FSIP2: variants seen among roughly 807,000 people sequenced by gnomAD.
The protein encoded by FSIP2 is fibrous sheath interacting protein 2, also known as fibrous sheath-interacting protein 2.
A neutral mutation model predicts 510.5 loss-of-function variants in FSIP2; 367 were observed. The observed-to-expected ratio is 0.72, with a 90% confidence interval of 0.66 to 0.78. The LOEUF is 0.78. FSIP2 is among the 30% of genes least tolerant of loss of function. The pLI is 0.00. For missense variants in FSIP2, 7,594 were observed against 7,901.7 expected (o/e 0.96, Z 1.48); for synonymous variants, 2,601 against 2,732.2 (o/e 0.95, Z 1.50).
rs1460399147 is a variant in FSIP2, at chr2:185,814,042, G to A, written c.20325G>A (p.Lys6775=). 6.2e-7 allele frequency: 1 copy of A among 1,608,472 alleles called. No individual in the cohort carries two copies. The highest frequency in any genetic ancestry group is 8.5e-7 in the Non-Finnish European group (1 of 1,177,370). ...CTTGGGAGGAAAAGCCCCAGTGTAA[G>A]GTAAGTGATAAGCATGACTGTTAGT... ...SSSWEEKPQC[K]KEEKNLVTEP... The change falls in exon 18 of 23, where the codon AAG becomes AAA. Residue 6775 remains lysine, a splice_region_variant and synonymous_variant. Transcript: ENST00000424728.
chr2:185,799,968 A>T lies in FSIP2; in HGVS notation c.10662A>T (p.Gly3554=). ...TTGAGAGCAGGTCAATTTCCATTGGAGAACTTGCTTTATGTATTTCTGAAA... is the reference window on the plus strand; with the variant it reads ...TTGAGAGCAGGTCAATTTCCATTGGTGAACTTGCTTTATGTATTTCTGAAA... ...QVFESRSISI[G]ELALCISEII... is the part of the protein sequence containing the mutation. Residue 3554 remains glycine (G), a synonymous_variant, in exon 17 of 23, where the codon GGA becomes GGT. Transcript: ENST00000424728. 1 of 1,528,352 alleles carries T rather than the reference A, an allele frequency of 6.5e-7. No homozygotes were observed. Among genetic ancestry groups the T allele is most frequent in the Non-Finnish European group, 8.8e-7 (1 of 1,141,380 alleles). The allele number at this position is 1,528,352 out of a possible 1,614,324, so 94.7% of individuals were successfully genotyped here.
At chr2:185,833,019 C>T (rs1694135238) in intron 22 of FSIP2, 71 bp from the exon 23 acceptor site, 8 of 1,402,682 alleles carry the variant, frequency 5.7e-6, no homozygotes, top group African/African-American at 1.4e-5. Context: ...ACTCATATGA[C>T]CTTAGGCAAG....
Position 185,792,803 on chromosome 2 carries a change from C to G in FSIP2, c.5667C>G (p.Ser1889=). The change falls in exon 16 of 23, where the codon TCC becomes TCG. Residue 1889 remains serine, a synonymous_variant. Transcript: ENST00000424728. The stretch of plus-strand genomic sequence containing the variant: ...ATGAACACACCTATAAAGGAAAGTC[C>G]TCTGTCACGGCTTTGGATGAAAATC... ...SSHEHTYKGK[S]SVTALDENPC... is the part of the protein sequence containing the mutation. The G allele has an allele frequency of 6.5e-7, 1 of 1,534,348 alleles. No homozygotes were observed. The highest frequency in any genetic ancestry group is 8.7e-7 in the Non-Finnish European group (1 of 1,145,674).
At chr2:185,746,354 C>G (rs1206437812) in intron 5 of FSIP2, among the ~76,000 whole-genome samples, 2 of 151,598 alleles carry the variant, frequency 1.3e-5, no homozygotes, top group Non-Finnish European at 2.9e-5. Context: ...AGGTCATATT[C>G]TTAAACCTAC....
rs572472559 is a variant in FSIP2, at chr2:185,789,417, A to T, written c.2281A>T (p.Asn761Tyr). The change falls in exon 16 of 23, where the codon AAT becomes TAT. Residue 761 changes from asparagine (N) to tyrosine (Y), a missense_variant. Asn to Tyr is a moderately radical substitution (Grantham distance 143, BLOSUM62 -2). Coordinates refer to ENST00000424728, the MANE Select transcript of FSIP2 (RefSeq NM_173651.4). ...CTCAGTTGCTTCTGAGATTGTGGAA[A>T]ATATGCTTGAGAAGTTAGAGTCTGC... The part of the protein sequence containing the change: ...IPSVASEIVE[N>Y]MLEKLESAVE... The T allele has an allele frequency of 6.5e-7, 1 of 1,534,946 alleles. No homozygotes were observed. The highest frequency in any genetic ancestry group is 8.7e-7 in the Non-Finnish European group (1 of 1,145,940).
chr2:185,832,404 T>C (rs1000308018), intron 22 of FSIP2, among the ~76,000 whole-genome samples: 3 of 151,890 alleles, frequency 2.0e-5, no homozygotes, highest in Non-Finnish European at 4.4e-5. Flanking sequence ...GCATGCTAGA[T>C]TGTTCCCAGT....
rs1693476924 is a variant in FSIP2 at position 185,803,054 on chromosome 2, A to AT, written c.13749dup (p.Ile4584TyrfsTer23). The AT allele has an allele frequency of 6.6e-7, 1 of 1,517,506 alleles. No individual in the cohort carries two copies. The highest frequency in any genetic ancestry group is 2.1e-5 in the Admixed American group (1 of 47,526). The allele number at this position is 1,517,506 out of a possible 1,614,324, so 94.0% of individuals were successfully genotyped here. ...AGAATAGCAGGTTTCATCATTAAACATATCTGTCAAAAACATCTTCAGCCA... is the reference window on the plus strand; with the variant it reads ...AGAATAGCAGGTTTCATCATTAAACATTATCTGTCAAAAACATCTTCAGCCA... On this transcript the variant is annotated frameshift_variant, in exon 17 of 23. Coordinates refer to ENST00000424728, the MANE Select transcript of FSIP2 (RefSeq NM_173651.4). LOFTEE classifies it high-confidence loss of function.
chr2:185,750,430 C>G (rs1692119909), intron 7 of FSIP2, among the ~76,000 whole-genome samples: 1 of 151,404 alleles, frequency 6.6e-6, no homozygotes, highest in Non-Finnish European at 1.5e-5. Context: ...CCTTTGTTAT[C>G]ATTTGAGTAT....
chr2:185,773,113 C>G (rs1458276546), intron 13 of FSIP2, among the ~76,000 whole-genome samples: 1 of 152,126 alleles, frequency 6.6e-6, no homozygotes, highest in East Asian at 1.9e-4. Context: ...CTATCTGCCT[C>G]AGCCTCCCAA....
chr2:185,795,356 G>C lies in FSIP2; in HGVS notation c.8220G>C (p.Lys2740Asn), dbSNP rs1226639041. The change falls in exon 16 of 23, where the codon AAG becomes AAC. Residue 2740 changes from lysine to asparagine, a missense_variant. Transcript: ENST00000424728. ...CTTCAGAACTAAAAATATATGCCAAGGATATAATAATTAACATCCTAGAAA... is the reference window on the plus strand; with the variant it reads ...CTTCAGAACTAAAAATATATGCCAACGATATAATAATTAACATCCTAGAAA... Reference protein sequence around the residue: ...LPTSELKIYAKDIIINILETI... With the variant: ...LPTSELKIYANDIIINILETI... 6 of 1,534,668 alleles carry C rather than the reference G, an allele frequency of 3.9e-6. No individual in the cohort carries two copies. The East Asian group carries it at 1.5e-4, about 38-fold the overall frequency.
Position 185,790,119 on chromosome 2 carries a change from C to A in FSIP2, c.2983C>A (p.Pro995Thr). 1 of 1,533,582 alleles carries A rather than the reference C, an allele frequency of 6.5e-7. No homozygotes were observed. The highest frequency in any genetic ancestry group is 1.2e-5 in the South Asian group (1 of 83,956). 95.0% of individuals were successfully genotyped at this position (1,533,582 alleles called of 1,614,324 possible). ...AAGACCATTTCCACCTATAAATGTT[C>A]CAGGCATGGTTCTTTATTCTGATGA... is the stretch of plus-strand genomic sequence containing the variant. Reference protein sequence around the residue: ...SGRPFPPINVPGMVLYSDDEN... With the variant: ...SGRPFPPINVTGMVLYSDDEN... Residue 995 changes from proline to threonine, a missense_variant, in exon 16 of 23, where the codon CCA becomes ACA. Coordinates refer to ENST00000424728, the MANE Select transcript of FSIP2 (RefSeq NM_173651.4).
At position 185,806,709 on chromosome 2, in the gene FSIP2, T is replaced by TCTCTCTTCC; in HGVS notation, c.17403_17404insCTCTCTTCC (p.Ser5801_Ser5802insLeuSerSer). Reference sequence around the variant, plus strand: ...AGATGGTTAAACAATTGATCTTTTCTTCTATACCAGAAACACAAATACAAG... The same window carrying TCTCTCTTCC: ...AGATGGTTAAACAATTGATCTTTTCTCTCTCTTCCTCTATACCAGAAACACAAATACAAG... On this transcript the variant is annotated inframe_insertion, in exon 17 of 23. Transcript: ENST00000424728. 1 of 1,606,774 alleles carries TCTCTCTTCC rather than the reference T, an allele frequency of 6.2e-7. No individual in the cohort carries two copies. The highest frequency in any genetic ancestry group is 8.5e-7 in the Non-Finnish European group (1 of 1,177,474).
chr2:185,760,481 TAATAA>T (rs950592981), intron 9 of FSIP2, among the ~76,000 whole-genome samples: 21 of 147,190 alleles, frequency 1.4e-4, no homozygotes, highest in African/African-American at 3.9e-4. Flanking sequence ...ATTTTATTTA[TAATAA>T]AATAAAATTT....
Position 185,760,986 on chromosome 2 carries a change from A to T in FSIP2, c.1079-2A>T, listed in dbSNP as rs1176202687. On this transcript the variant is annotated splice_acceptor_variant, in intron 9 of 22. Transcript: ENST00000424728. LOFTEE classifies it high-confidence loss of function. ...TAGAGTTTCTCTCTCGTTTTCTTTT[A>T]GGACATACAGCAAATGCTGCTCATC... 29 of 1,286,718 alleles carry T rather than the reference A, an allele frequency of 2.3e-5. No homozygotes were observed. Among genetic ancestry groups the T allele is most frequent in the Non-Finnish European group, 2.8e-5 (27 of 949,882 alleles). 79.7% of individuals were successfully genotyped at this position (1,286,718 alleles called of 1,614,324 possible). A position where few individuals can be genotyped will look rare whatever the true frequency, so the allele number is the denominator to read the frequency against.
Position 185,756,224 on chromosome 2 carries a change from G to A in FSIP2, c.1024G>A (p.Asp342Asn). Residue 342 changes from aspartate (D) to asparagine (N), a missense_variant, in exon 9 of 23, where the codon GAT (aspartate) becomes AAT (asparagine). By Grantham distance (23) the Asp-to-Asn change is conservative. Transcript: ENST00000424728. ...AAAGAATAAAAAGAAGACTTCTGAAGATATAATGTTAGTTTATCCTGCTGG... is the reference window on the plus strand; with the variant it reads ...AAAGAATAAAAAGAAGACTTCTGAAAATATAATGTTAGTTTATCCTGCTGG... ...SPKNKKKTSE[D>N]IMLVYPAGDQ... The A allele has an allele frequency of 7.5e-7, 1 of 1,331,876 alleles. No individual in the cohort carries two copies. Among genetic ancestry groups the A allele is most frequent in the Non-Finnish European group, 1.0e-6 (1 of 980,536 alleles). 82.5% of individuals were successfully genotyped at this position (1,331,876 alleles called of 1,614,324 possible). A position where few individuals can be genotyped will look rare whatever the true frequency, so the allele number is the denominator to read the frequency against.
At chr2:185,773,240 C>T (rs1574168595) in intron 13 of FSIP2, among the ~76,000 whole-genome samples, 2 of 152,142 alleles carry the variant, frequency 1.3e-5, no homozygotes, top group African/African-American at 4.8e-5. Context: ...TTTATTTCTC[C>T]TGAATTTGTG....
chr2:185,826,505 C>T (rs1021067992), intron 20 of FSIP2, among the ~76,000 whole-genome samples: 2 of 151,790 alleles, frequency 1.3e-5, no homozygotes, highest in Non-Finnish European at 2.9e-5. Flanking sequence ...ATGTCACCTT[C>T]TCAGTGAGGT....
chr2:185,791,226 ATGT>A lies in FSIP2; in HGVS notation c.4095_4097del (p.Leu1366del), dbSNP rs775337471. 9.8e-6 allele frequency: 15 copies of A among 1,533,744 alleles called. No homozygotes were observed. The East Asian group carries it at 9.8e-5, about 10-fold the overall frequency. ...TCCATTATTAACCTGTATTTATGAT[ATGT>A]TGTTATCAAGTGAAAATGCACATCA... On this transcript the variant is annotated inframe_deletion, in exon 16 of 23. Transcript: ENST00000424728.
At position 185,794,044 on chromosome 2, in the gene FSIP2, GC is replaced by G. The variant is rs1559028394; in HGVS notation, c.6910del (p.Gln2304LysfsTer6). 6.5e-7 allele frequency: 1 copy of G among 1,533,636 alleles called. No homozygotes were observed. Among genetic ancestry groups the G allele is most frequent in the East Asian group, 2.4e-5 (1 of 40,822 alleles). On this transcript the variant is annotated frameshift_variant, in exon 16 of 23. Transcript: ENST00000424728. LOFTEE classifies it high-confidence loss of function. ...AATGACAGCATCTTTTATGATTCAA[GC>G]CAAGTGGAATCAGATGTAAATGTCC... ...KQNDSIFYDS[S>X]QVESDVNVLK... is the part of the protein sequence containing the mutation.
Sources: gnomAD v4.1 joint callset for allele counts (sites outside exome capture counted in the v4.1 genomes callset) on GRCh38, gnomAD v4.1.1 for gene constraint, MANE v1.5 for transcripts, NCBI Gene and HGNC (gene_info 2026-07-23, HGNC 2026-07-21) for gene names.